Variants in WWP2 observed in about 807,000 individuals in gnomAD.
WWP2 encodes the protein NEDD4-like E3 ubiquitin-protein ligase WWP2.
WWP2 carries 57 observed loss-of-function variants against 121.0 expected under a neutral mutation model. The ratio of observed to expected loss-of-function variants is 0.47; its 90% CI spans 0.38 to 0.59. WWP2 has a LOEUF of 0.59. Ranked by LOEUF, WWP2 falls within the 20% of genes least tolerant of loss-of-function variation. WWP2 has a pLI of 0.00. For synonymous variants in WWP2, 449 were observed against 441.3 expected (o/e 1.02, Z -0.22); for missense variants, 962 against 1,158.9 (o/e 0.83, Z 2.47).
intron 9 of WWP2, among the ~76,000 whole-genome samples, chr16:69,910,653 C>T (rs1477370654): frequency 2.0e-5 from 3 of 152,188 alleles, no homozygotes; most frequent in Non-Finnish European, 4.4e-5. Context: ...TTGTGATTCG[C>T]CTGCCTTTGC....
At chr16:69,933,310 G>A (rs929287859) in intron 16 of WWP2, 18 of 357,978 alleles carry the variant, frequency 5.0e-5, no homozygotes, top group Middle Eastern at 1.0e-3. Flanking sequence ...CCTGAGGCTC[G>A]CACCCAGGGC....
intron 7 of WWP2, among the ~76,000 whole-genome samples, chr16:69,877,874 C>T (rs923486327): frequency 1.3e-5 from 2 of 152,102 alleles, no homozygotes; most frequent in African/African-American, 2.4e-5. Flanking sequence ...ATGGCATGAT[C>T]TTGGCTCACT....
At chr16:69,938,968 C>A in intron 21 of WWP2, 59 bp from the exon 22 acceptor site, 2 of 1,496,772 alleles carry the variant, frequency 1.3e-6, no homozygotes, top group South Asian at 2.4e-5. Context: ...GCTCCACGTT[C>A]GGGCAAAGTA....
intron 8 of WWP2, among the ~76,000 whole-genome samples, chr16:69,901,893 G>A (rs1037499701): frequency 6.6e-6 from 1 of 152,204 alleles, no homozygotes; most frequent in Non-Finnish European, 1.5e-5. Context: ...GGAGGTTACA[G>A]TGAGTTGAGA....
At chr16:69,881,113 C>T (rs1174305455) in intron 7 of WWP2, among the ~76,000 whole-genome samples, 1 of 152,180 alleles carries the variant, frequency 6.6e-6, no homozygotes, top group Non-Finnish European at 1.5e-5. Context: ...AAAGCAGAGG[C>T]CATGCAACTG....
intron 7 of WWP2, among the ~76,000 whole-genome samples, chr16:69,878,085 G>C (rs1812149360): frequency 6.6e-6 from 1 of 152,142 alleles, no homozygotes; most frequent in South Asian, 2.1e-4. Flanking sequence ...TGGGATTACA[G>C]GTGTGAGCCA....
Position 69,930,192 on chromosome 16 carries a change from G to GGACCACAAA in WWP2, c.1379_1380insGACCACAAA (p.Arg460_Tyr461insThrThrLys). 1 of 1,614,046 alleles carries GGACCACAAA rather than the reference G, an allele frequency of 6.2e-7. No homozygotes were observed. The highest frequency in any genetic ancestry group is 1.1e-5 in the South Asian group (1 of 91,038). Reference sequence around the variant, plus strand: ...ATGAAATACACCAGCGAGGGGGTGCGATACTTTGTGGACCACAATACCCGC... The same window carrying GGACCACAAA: ...ATGAAATACACCAGCGAGGGGGTGCGGACCACAAAATACTTTGTGGACCACAATACCCGC... On this transcript the variant is annotated inframe_insertion, in exon 13 of 24. Transcript: ENST00000359154.
intron 4 of WWP2, among the ~76,000 whole-genome samples, chr16:69,835,240 G>A (rs2151863834): frequency 6.6e-6 from 1 of 152,306 alleles, no homozygotes; most frequent in East Asian, 1.9e-4. Context: ...CCCCAGAGGT[G>A]AGGTGGCTAA....
In WWP2 at chr16:69,810,090, G is replaced by A. The variant is rs529485039; in HGVS notation, c.340+10795G>A. On this transcript the variant is annotated intron_variant, in intron 4 of 23. Transcript: ENST00000359154. ...TTTCCTGGGGAAGGACCTGATGGGC[G>A]ATGGTTGCCCTAACTGACATTCTCC... is the stretch of plus-strand genomic sequence containing the variant. 3.3e-5 allele frequency among the ~76,000 whole-genome samples: 5 copies of A among 152,334 alleles called. No homozygotes were observed. The South Asian group carries it at 6.2e-4, about 19-fold the overall frequency.
At chr16:69,792,718 G>T (rs2055939320) in intron 2 of WWP2, among the ~76,000 whole-genome samples, 1 of 152,236 alleles carries the variant, frequency 6.6e-6, no homozygotes, top group South Asian at 2.1e-4. Context: ...TTGAGTCAGG[G>T]TCTCACTCTG....
chr16:69,918,990 C>T (rs914276494), intron 10 of WWP2, among the ~76,000 whole-genome samples: 1 of 151,340 alleles, frequency 6.6e-6, no homozygotes, highest in Admixed American at 6.6e-5. Flanking sequence ...ATTACAGGTG[C>T]CCACCACCAC....
At chr16:69,773,071 G>A (rs890260417) in intron 1 of WWP2, among the ~76,000 whole-genome samples, 30 of 152,122 alleles carry the variant, frequency 2.0e-4, no homozygotes, top group African/African-American at 6.8e-4. Flanking sequence ...GGAAGGCTAA[G>A]GGAAGAACTG....
intron 4 of WWP2, among the ~76,000 whole-genome samples, chr16:69,820,132 G>A (rs1406181983): frequency 3.9e-5 from 6 of 152,172 alleles, no homozygotes; most frequent in Non-Finnish European, 2.9e-5. Context: ...ACTCAGGAGG[G>A]TGAGGCAGGA....
At chr16:69,794,357 TG>T (rs1398669232) in intron 2 of WWP2, among the ~76,000 whole-genome samples, 1 of 152,068 alleles carries the variant, frequency 6.6e-6, no homozygotes, top group Non-Finnish European at 1.5e-5. Context: ...ATGGAAACCC[TG>T]TCTCTACAAA....
chr16:69,925,255 CA>C lies in WWP2; in HGVS notation c.1180-169del, dbSNP rs1237805022. On this transcript the variant is annotated intron_variant, in intron 10 of 23. Transcript: ENST00000359154. The surrounding 1 kb of genome is among the most constrained non-coding windows in gnomAD (Gnocchi z 4.0). ...TTTGGTTTTTCTGTAAAAATCAAAA[CA>C]AAAAACAGAGACTTTTGAGAGGAGC... 1.4e-6 allele frequency: 2 copies of C among 1,435,670 alleles called. No homozygotes were observed. The highest frequency in any genetic ancestry group is 2.4e-5 in the Admixed American group (1 of 41,146). The allele number at this position is 1,435,670 out of a possible 1,614,324, so 88.9% of individuals were successfully genotyped here.
In WWP2 at chr16:69,787,091, C is replaced by G; in HGVS notation, c.70+11C>G. On this transcript the variant is annotated intron_variant, in intron 2 of 23. Transcript: ENST00000359154. ...AGCTCACTTTGAAAGGTGAGTGGCA[C>G]TGTATAATGTCTTCATCTTGTCTAC... The G allele has an allele frequency of 6.2e-7, 1 of 1,610,572 alleles. No individual in the cohort carries two copies. Among genetic ancestry groups the G allele is most frequent in the South Asian group, 1.1e-5 (1 of 89,894 alleles).
intron 6 of WWP2, among the ~76,000 whole-genome samples, chr16:69,845,502 C>G (rs1217996401): frequency 3.3e-5 from 5 of 152,118 alleles, no homozygotes; most frequent in East Asian, 1.9e-4. Flanking sequence ...GTAGGTTTTT[C>G]TTGGACTTGG....
At chr16:69,831,732 A>T (rs1292483519) in intron 4 of WWP2, among the ~76,000 whole-genome samples, 1 of 150,536 alleles carries the variant, frequency 6.6e-6, no homozygotes, top group East Asian at 1.9e-4. Flanking sequence ...CTACCTTTTT[A>T]TATTTTAAAC....
chr16:69,812,500 A>T (rs2056414423), intron 4 of WWP2, among the ~76,000 whole-genome samples: 1 of 122,516 alleles, frequency 8.2e-6, no homozygotes, highest in African/African-American at 3.3e-5. Flanking sequence ...TTTAATTGAG[A>T]CAGAGTCTGG....
Sources: gnomAD v4.1 joint callset for allele counts (sites outside exome capture counted in the v4.1 genomes callset) on GRCh38, gnomAD v4.1.1 for gene constraint, Gnocchi (gnomAD v3.1) non-coding constraint, MANE v1.5 for transcripts, NCBI Gene and HGNC (gene_info 2026-07-23, HGNC 2026-07-21) for gene names.